Variants in TFB1M observed in about 807,000 individuals in gnomAD.
The protein encoded by TFB1M is transcription factor B1, mitochondrial.
In TFB1M, 27 loss-of-function variants were observed where a neutral mutation model predicts 31.1. That is an observed-to-expected ratio of 0.87 (90% confidence interval 0.64 to 1.20). The LOEUF (loss-of-function observed/expected upper bound fraction) is 1.20. Ranked by LOEUF, TFB1M falls within the 50% of genes most tolerant of loss-of-function variation. The pLI is 0.00. For missense variants in TFB1M, 394 were observed against 418.7 expected (o/e 0.94, Z 0.51); for synonymous variants, 166 against 151.8 (o/e 1.09, Z -0.69).
intron 5 of TFB1M, among the ~76,000 whole-genome samples, chr6:155,262,642 C>T (rs1784441007): frequency 6.6e-6 from 1 of 152,096 alleles, no homozygotes; most frequent in South Asian, 2.1e-4. Flanking sequence ...GGCCTAAAAC[C>T]ATGAAATATT....
At chr6:155,297,879 G>A (rs1301737911) in intron 3 of TFB1M, among the ~76,000 whole-genome samples, 3 of 152,232 alleles carry the variant, frequency 2.0e-5, no homozygotes, top group Admixed American at 1.3e-4. Context: ...GAGACTGCAA[G>A]TGCGGCCCAA....
intron 4 of TFB1M, among the ~76,000 whole-genome samples, chr6:155,286,128 A>G (rs1663897196): frequency 6.6e-6 from 1 of 152,216 alleles, no homozygotes; most frequent in African/African-American, 2.4e-5. Flanking sequence ...GATGCGATGT[A>G]GCAACTGCTA....
chr6:155,255,311 G>C (rs3926833), downstream of TFB1M: 1 of 151,912 alleles, frequency 6.6e-6, no homozygotes. Flanking sequence ...TTAATCGATA[G>C]GGCACCAAGT....
At chr6:155,285,749 A>C (rs1193766600) in intron 4 of TFB1M, among the ~76,000 whole-genome samples, 6 of 152,222 alleles carry the variant, frequency 3.9e-5, no homozygotes, top group Admixed American at 3.9e-4. Context: ...GAGTATTCAG[A>C]ACCCTTGGGA....
intron 5 of TFB1M, chr6:155,276,495 C>G: frequency 1.1e-6 from 1 of 918,692 alleles, no homozygotes. Flanking sequence ...ATGTAAAATA[C>G]TTTAACAACT....
rs1458371222 is a variant in TFB1M at position 155,298,656 on chromosome 6, C to G, written c.286-71G>C. 8 of 1,048,962 alleles carry G rather than the reference C, an allele frequency of 7.6e-6. No homozygotes were observed. In the East Asian group the frequency reaches 1.7e-4, roughly 22 times the overall value. 65.0% of individuals were successfully genotyped at this position (1,048,962 alleles called of 1,614,324 possible). A position where few individuals can be genotyped will look rare whatever the true frequency, so the allele number is the denominator to read the frequency against. On this transcript the variant is annotated intron_variant, in intron 2 of 6. Coordinates refer to ENST00000367166, the MANE Select transcript of TFB1M (RefSeq NM_016020.4). ...AGTAACAAAACTAAACTTTTTAAAC[C>G]TGTGCATTTAAAAAATCAGTTAAAA...
intron 4 of TFB1M, among the ~76,000 whole-genome samples, chr6:155,292,170 G>C (rs2114762838): frequency 6.6e-6 from 1 of 152,236 alleles, no homozygotes; most frequent in East Asian, 1.9e-4. Flanking sequence ...GAGGTCTCCT[G>C]GGCTCAGGGA....
chr6:155,295,424 A>G (rs573733116), intron 4 of TFB1M, among the ~76,000 whole-genome samples: 6 of 152,174 alleles, frequency 3.9e-5, no homozygotes, highest in Non-Finnish European at 7.4e-5. Flanking sequence ...TCTGTGTGAT[A>G]AGACTATGCA....
chr6:155,276,694 T>A, intron 5 of TFB1M: 1 of 243,494 alleles, frequency 4.1e-6, no homozygotes, highest in African/African-American at 2.3e-5. Context: ...CCTTTCAAAC[T>A]GGATTTTATA....
At chr6:155,301,396 C>T (rs1777424001) in intron 2 of TFB1M, among the ~76,000 whole-genome samples, 1 of 152,192 alleles carries the variant, frequency 6.6e-6, no homozygotes, top group African/African-American at 2.4e-5. Context: ...GGCAATAACA[C>T]ATGAAGACCT....
intron 4 of TFB1M, among the ~76,000 whole-genome samples, chr6:155,293,765 T>C (rs557500547): frequency 1.3e-5 from 2 of 152,326 alleles, no homozygotes; most frequent in East Asian, 3.9e-4. Context: ...AATATTTTTG[T>C]ACTTCTCATT....
At chr6:155,249,978 G>C in the TFB1M span, 1 of 1,607,594 alleles carries the variant, frequency 6.2e-7, no homozygotes, top group Non-Finnish European at 8.5e-7. Flanking sequence ...AGGTCCGTGA[G>C]ACATCTGCAC....
chr6:155,244,973 T>C, the TFB1M span: 1 of 629,358 alleles, frequency 1.6e-6, no homozygotes, highest in South Asian at 3.6e-5. Flanking sequence ...TTTTTTTTCC[T>C]GGCGCAGGTG....
chr6:155,249,661 A>G, the TFB1M span, among the ~76,000 whole-genome samples: 1 of 152,182 alleles, frequency 6.6e-6, no homozygotes, highest in African/African-American at 2.4e-5. Flanking sequence ...AGTAGGAGAT[A>G]ATTTTGCTGT....
intron 4 of TFB1M, among the ~76,000 whole-genome samples, chr6:155,289,968 A>T (rs930608514): frequency 2.6e-5 from 4 of 152,222 alleles, no homozygotes; most frequent in African/African-American, 9.6e-5. Flanking sequence ...TGCCATGATT[A>T]TAAGTTTCCT....
the TFB1M span, among the ~76,000 whole-genome samples, chr6:155,230,912 C>T: frequency 6.6e-6 from 1 of 151,204 alleles, no homozygotes; most frequent in African/African-American, 2.4e-5. Flanking sequence ...TGGCTCACTG[C>T]AACCTCTGCC....
intron 2 of TFB1M, chr6:155,303,332 C>T (rs955980895): frequency 6.6e-6 from 1 of 152,128 alleles, no homozygotes; most frequent in African/African-American, 2.4e-5. Context: ...TCAATAGTTA[C>T]GAAGGTGTTT....
chr6:155,275,768 G>A (rs1583330188), intron 5 of TFB1M: 2 of 1,613,848 alleles, frequency 1.2e-6, no homozygotes, highest in Non-Finnish European at 1.7e-6. Context: ...GGCCTTATCT[G>A]GGGTCTCTGG....
the TFB1M span, among the ~76,000 whole-genome samples, chr6:155,247,182 C>G: frequency 1.3e-5 from 2 of 152,044 alleles, no homozygotes; most frequent in Non-Finnish European, 2.9e-5. Flanking sequence ...GGAGAAAAGA[C>G]ACTGCTTTCC....
Sources: allele counts gnomAD v4.1 joint callset (sites outside exome capture counted in the v4.1 genomes callset), GRCh38; gene constraint gnomAD v4.1.1; transcripts MANE v1.5; gene names NCBI Gene and HGNC (gene_info 2026-07-23, HGNC 2026-07-21).